NTRK3: variants seen among roughly 807,000 people sequenced by gnomAD.
The protein encoded by NTRK3 is NT-3 growth factor receptor.
A neutral mutation model predicts 91.7 loss-of-function variants in NTRK3; 24 were observed. The ratio of observed to expected loss-of-function variants is 0.26; its 90% CI spans 0.19 to 0.37. The LOEUF (loss-of-function observed/expected upper bound fraction) is 0.37. NTRK3 is among the 10% of genes least tolerant of loss of function. The pLI is 1.00. For missense variants in NTRK3, 880 were observed against 1,068.9 expected (o/e 0.82, Z 2.46); for synonymous variants, 483 against 404.0 (o/e 1.20, Z -2.34).
At chr15:87,885,908 A>G (rs915966066) in intron 17 of NTRK3, among the ~76,000 whole-genome samples, 173 bp from the exon 18 acceptor site, 3 of 152,000 alleles carry the variant, frequency 2.0e-5, no homozygotes, top group Non-Finnish European at 4.4e-5. Flanking sequence ...GCAAAAGACA[A>G]CATAAGCATA....
chr15:87,983,028 C>A (rs2074427980), intron 14 of NTRK3, among the ~76,000 whole-genome samples: 1 of 152,216 alleles, frequency 6.6e-6, no homozygotes, highest in Non-Finnish European at 1.5e-5. Context: ...TGAGATGAGA[C>A]TATTACCTAA....
chr15:88,132,336 A>T (rs563197805), intron 10 of NTRK3, among the ~76,000 whole-genome samples: 35 of 152,356 alleles, frequency 2.3e-4, no homozygotes, highest in African/African-American at 7.7e-4. Context: ...GGCAGGCATA[A>T]CTTCCTTTAA....
intron 13 of NTRK3, among the ~76,000 whole-genome samples, chr15:88,125,830 T>TA (rs1169051220): frequency 1.3e-5 from 2 of 152,184 alleles, no homozygotes; most frequent in African/African-American, 2.4e-5. Context: ...GGGCAGCTTT[T>TA]CAATGCCGGA....
chr15:88,025,158 T>G (rs1248492998), intron 14 of NTRK3, among the ~76,000 whole-genome samples: 1 of 152,320 alleles, frequency 6.6e-6, no homozygotes, highest in South Asian at 2.1e-4. Context: ...TGAAAGCCAG[T>G]CTAATGTGAA....
chr15:87,877,507 C>G (rs971544189), intron 18 of NTRK3, among the ~76,000 whole-genome samples: 1 of 152,120 alleles, frequency 6.6e-6, no homozygotes, highest in Non-Finnish European at 1.5e-5. Flanking sequence ...GTCCCTCCCC[C>G]TTTCATGAGC....
chr15:87,914,758 C>A (rs546520132), intron 17 of NTRK3, among the ~76,000 whole-genome samples: 1 of 152,192 alleles, frequency 6.6e-6, no homozygotes, highest in Admixed American at 6.5e-5. Flanking sequence ...AAGAACAAAC[C>A]GGGCTGCAAA....
rs908806254 is a variant in NTRK3 at position 87,990,610 on chromosome 15, T to G, written c.1585+42247A>C. Among the ~76,000 whole-genome samples the G allele has an allele frequency of 5.3e-5, 8 of 152,206 alleles. No homozygotes were observed. In the East Asian group the frequency reaches 1.3e-3, roughly 26 times the overall value. The stretch of plus-strand genomic sequence containing the variant: ...GAGCCCAATTATTTGCCTTTCTATA[T>G]TGGAGAAAAATTTATTTTGTTTCCA... On this transcript the variant is annotated intron_variant, in intron 14 of 18. Transcript: ENST00000394480.
intron 13 of NTRK3, among the ~76,000 whole-genome samples, chr15:88,061,652 CT>C (rs1321302380): frequency 6.6e-6 from 1 of 152,258 alleles, no homozygotes; most frequent in African/African-American, 2.4e-5. Context: ...CCACTTCCTG[CT>C]TCTTCATCTG....
At chr15:88,083,388 A>G (rs961110283) in intron 13 of NTRK3, among the ~76,000 whole-genome samples, 1 of 152,060 alleles carries the variant, frequency 6.6e-6, no homozygotes. Flanking sequence ...ATGCCCAGCT[A>G]ATTTTTCTAT....
exon 10 of NTRK3, chr15:88,135,288 C>A (rs1222212361): frequency 6.2e-7 from 1 of 1,614,182 alleles, no homozygotes. Flanking sequence ...GCAGAGGCTG[C>A]CCATTGTGCA....
chr15:87,909,058 G>A (rs948120346), intron 17 of NTRK3, among the ~76,000 whole-genome samples: 2 of 151,966 alleles, frequency 1.3e-5, no homozygotes, highest in African/African-American at 4.8e-5. Flanking sequence ...AGTGTGTCCC[G>A]CAGAAAATCC....
chr15:88,080,628 T>C (rs1227707407), intron 13 of NTRK3, among the ~76,000 whole-genome samples: 1 of 152,214 alleles, frequency 6.6e-6, no homozygotes, highest in Non-Finnish European at 1.5e-5. Flanking sequence ...CAAACATCAC[T>C]TACAGGAAGT....
At chr15:88,026,316 GA>G (rs1310771891) in intron 14 of NTRK3, among the ~76,000 whole-genome samples, 1 of 152,002 alleles carries the variant, frequency 6.6e-6, no homozygotes, top group Non-Finnish European at 1.5e-5. Context: ...AAAAATAAAT[GA>G]GCGATCAAGC....
intron 13 of NTRK3, among the ~76,000 whole-genome samples, chr15:88,076,930 C>A (rs1365596073): frequency 6.6e-6 from 1 of 151,840 alleles, no homozygotes; most frequent in Non-Finnish European, 1.5e-5. Flanking sequence ...CCCACCTCTA[C>A]CAAAAATACA....
intron 5 of NTRK3, among the ~76,000 whole-genome samples, chr15:88,161,400 C>A (rs1431815748): frequency 6.6e-6 from 1 of 152,142 alleles, no homozygotes; most frequent in Non-Finnish European, 1.5e-5. Context: ...GGCTACGTTA[C>A]TAGGGCCCTG....
chr15:88,036,429 A>C (rs2079076686), intron 13 of NTRK3, among the ~76,000 whole-genome samples: 1 of 152,194 alleles, frequency 6.6e-6, no homozygotes, highest in African/African-American at 2.4e-5. Context: ...ACCTAAAAAA[A>C]AAAAAAATCA....
At chr15:88,254,872 A>T (rs2053844797) in intron 3 of NTRK3, among the ~76,000 whole-genome samples, 1 of 152,220 alleles carries the variant, frequency 6.6e-6, no homozygotes, top group Admixed American at 6.5e-5. Flanking sequence ...ACCCTTCTCC[A>T]GGGTGGTAGG....
chr15:87,909,614 T>G lies in NTRK3; in HGVS notation c.2133+19577A>C, dbSNP rs77808567. On this transcript the variant is annotated intron_variant, in intron 17 of 18. Transcript: ENST00000394480. ...GATGGGCAGTTGGGAAGAGAAGGTGTGATGGACTGAACTGTGTGCCCCCCA... is the reference window on the plus strand; with the variant it reads ...GATGGGCAGTTGGGAAGAGAAGGTGGGATGGACTGAACTGTGTGCCCCCCA... 2.2e-4 allele frequency among the ~76,000 whole-genome samples: 33 copies of G among 152,124 alleles called. 1 individual carries two copies. The East Asian group carries it at 5.4e-3, about 25-fold the overall frequency.
intron 17 of NTRK3, chr15:87,916,311 A>G (rs2141794774): frequency 9.2e-5 from 34 of 370,666 alleles, no homozygotes; most frequent in Non-Finnish European, 1.3e-4. Flanking sequence ...GTCTCAGGAA[A>G]AAAAAAAAAA....
Sources: allele counts gnomAD v4.1 joint callset (sites outside exome capture counted in the v4.1 genomes callset), GRCh38; gene constraint gnomAD v4.1.1; transcripts MANE v1.5; gene names NCBI Gene and HGNC (gene_info 2026-07-23, HGNC 2026-07-21).